The following KLHL22 variants were observed in gnomAD, a reference collection of about 807,000 sequenced individuals.
The protein encoded by KLHL22 is kelch like family member 22.
In KLHL22, 18 loss-of-function variants were observed where a neutral mutation model predicts 60.7. That is an observed-to-expected ratio of 0.30 (90% confidence interval 0.20 to 0.44). The LOEUF (loss-of-function observed/expected upper bound fraction) is 0.44, where lower values mean the gene tolerates loss of function less well. Among genes scored for constraint, KLHL22 ranks in the 20% least tolerant of loss-of-function variants. The probability of loss-of-function intolerance (pLI) is 1.00; values close to 1 mark genes in which losing one functional copy is unlikely to be tolerated. For synonymous variants in KLHL22, 355 were observed against 354.5 expected (o/e 1.00, Z -0.01); for missense variants, 596 against 852.3 (o/e 0.70, Z 3.74).
chr22:20,474,086 G>A (rs1239180386), intron 2 of KLHL22, among the ~76,000 whole-genome samples: 5 of 151,966 alleles, frequency 3.3e-5, no homozygotes, highest in Admixed American at 1.3e-4. Context: ...TGCAACCTCC[G>A]CCTCCTGAGT....
chr22:20,476,730 C>G (rs960847152), intron 2 of KLHL22, among the ~76,000 whole-genome samples: 5 of 113,888 alleles, frequency 4.4e-5, no homozygotes, highest in African/African-American at 1.8e-4. Context: ...TTTTTTGTGA[C>G]AGAGTCTCGC....
chr22:20,471,339 A>T lies in KLHL22; in HGVS notation c.393+11T>A. 6.2e-7 allele frequency: 1 copy of T among 1,612,460 alleles called. No individual in the cohort carries two copies. Among genetic ancestry groups the T allele is most frequent in the Non-Finnish European group, 8.5e-7 (1 of 1,178,980 alleles). On this transcript the variant is annotated intron_variant, in intron 3 of 6. Coordinates refer to ENST00000328879, the MANE Select transcript of KLHL22 (RefSeq NM_032775.4). ...GTGTGGGTCTGCCTTGCTAGATGAG[A>T]CATGCCTCACCTGAAGCTGGCAGGC...
chr22:20,482,434 G>C (rs905410072), intron 2 of KLHL22, among the ~76,000 whole-genome samples: 12 of 152,022 alleles, frequency 7.9e-5, no homozygotes, highest in African/African-American at 2.9e-4. Flanking sequence ...ACCCAGGCTG[G>C]AGTGCAGTGG....
At chr22:20,459,163 A>G (rs1206407508) in intron 4 of KLHL22, among the ~76,000 whole-genome samples, 1 of 152,208 alleles carries the variant, frequency 6.6e-6, no homozygotes, top group Non-Finnish European at 1.5e-5. Flanking sequence ...CTTTCAGACA[A>G]GTGTTTTTAT....
At chr22:20,484,072 T>G in intron 2 of KLHL22, 3 of 980,126 alleles carry the variant, frequency 3.1e-6, no homozygotes, top group Non-Finnish European at 4.8e-6. Context: ...GACCAGTAGT[T>G]GGTGGAGAAG....
intron 5 of KLHL22, among the ~76,000 whole-genome samples, chr22:20,457,205 C>G (rs889569476): frequency 2.0e-5 from 3 of 152,052 alleles, no homozygotes; most frequent in Non-Finnish European, 4.4e-5. Context: ...ATCATTTTTC[C>G]ATAATGAACA....
intron 4 of KLHL22, among the ~76,000 whole-genome samples, 189 bp downstream of exon 4, chr22:20,464,669 C>T (rs564108039): frequency 2.0e-5 from 3 of 152,212 alleles, no homozygotes; most frequent in South Asian, 2.1e-4. Context: ...GGAAAGAAGG[C>T]GATCCACATG....
intron 3 of KLHL22, among the ~76,000 whole-genome samples, chr22:20,466,925 G>A (rs1303830465): frequency 6.6e-6 from 1 of 152,234 alleles, no homozygotes; most frequent in Non-Finnish European, 1.5e-5. Flanking sequence ...CTGGAGGGAG[G>A]TGGGAACAAG....
intron 4 of KLHL22, among the ~76,000 whole-genome samples, chr22:20,461,349 CA>C (rs1488666119): frequency 6.6e-6 from 1 of 151,570 alleles, no homozygotes; most frequent in Non-Finnish European, 1.5e-5. Context: ...GTCAGGAGAT[CA>C]AGACCATCCT....
intron 2 of KLHL22, 41 bp downstream of exon 2, chr22:20,488,944 A>T: frequency 6.3e-7 from 1 of 1,586,972 alleles, no homozygotes; most frequent in Non-Finnish European, 8.6e-7. Flanking sequence ...AGCCAGGATT[A>T]CCTTTGTTAT....
At chr22:20,488,331 C>A (rs554408673) in intron 2 of KLHL22, among the ~76,000 whole-genome samples, 124 of 152,330 alleles carry the variant, frequency 8.1e-4, no homozygotes, top group Admixed American at 2.4e-3. Flanking sequence ...TGACACCCAC[C>A]TCCTTGAGTG....
chr22:20,484,850 C>T lies in KLHL22; in HGVS notation c.227+4135G>A, dbSNP rs9623800. On this transcript the variant is annotated intron_variant, in intron 2 of 6. Coordinates refer to ENST00000328879, the MANE Select transcript of KLHL22 (RefSeq NM_032775.4). ...CTCTCAAGCTCAAGCTATCCTCCCT[C>T]CTCAGCCTCCCAAGTAGCTGGGACT... Among the ~76,000 whole-genome samples, 827 of 151,982 alleles carry T rather than the reference C, an allele frequency of 5.4e-3. 8 individuals carry two copies. The highest frequency in any genetic ancestry group is 0.019 in the African/African-American group (772 of 41,464).
In KLHL22 at chr22:20,489,057, A is replaced by G; in HGVS notation, c.155T>C (p.Val52Ala). The change falls in exon 2 of 7, where the codon GTT becomes GCT. Residue 52 changes from valine (V) to alanine (A), a missense_variant. By Grantham distance (64) the Val-to-Ala change is moderately conservative (BLOSUM62 0). Coordinates refer to ENST00000328879, the MANE Select transcript of KLHL22 (RefSeq NM_032775.4). ...GTGTCTGCCCTCCACCACCAGCACA[A>G]CATCGAAGAGGATTCCGCTGTCCCG... ...ALRDSGILFD[V>A]VLVVEGRHIE... The G allele has an allele frequency of 6.2e-7, 1 of 1,614,078 alleles. No homozygotes were observed. The highest frequency in any genetic ancestry group is 1.3e-5 in the African/African-American group (1 of 75,054).
chr22:20,456,812 A>G (rs1033107030), intron 5 of KLHL22, among the ~76,000 whole-genome samples: 1 of 151,558 alleles, frequency 6.6e-6, no homozygotes, highest in African/African-American at 2.4e-5. Flanking sequence ...CCCTGAAGTC[A>G]AAGTCTAAGT....
chr22:20,465,380 T>C lies in KLHL22; in HGVS notation c.590A>G (p.Tyr197Cys), dbSNP rs773067499. Reference sequence around the variant, plus strand: ...CAGGCGATTGCTGCTGAGGAGGGAGTAGACCTTCTCCAATGGAAGCTGGCG... The same window carrying C: ...CAGGCGATTGCTGCTGAGGAGGGAGCAGACCTTCTCCAATGGAAGCTGGCG... The part of the protein sequence containing the change: ...KYRQLPLEKV[Y>C]SLLSSNRLEV... Residue 197 changes from tyrosine (Y) to cysteine (C), a missense_variant, in exon 4 of 7, where the codon TAC becomes TGC. Transcript: ENST00000328879. The surrounding 1 kb of genome is among the most constrained non-coding windows in gnomAD (Gnocchi z 4.9). 1 of 1,613,540 alleles carries C rather than the reference T, an allele frequency of 6.2e-7. No individual in the cohort carries two copies. The highest frequency in any genetic ancestry group is 1.1e-5 in the South Asian group (1 of 91,040).
chr22:20,480,329 G>A (rs1183259044), intron 2 of KLHL22, among the ~76,000 whole-genome samples: 1 of 152,194 alleles, frequency 6.6e-6, no homozygotes, highest in Non-Finnish European at 1.5e-5. Flanking sequence ...AGTGTTATTT[G>A]TGTTTATTAT....
In KLHL22 at chr22:20,465,090, G is replaced by A; in HGVS notation, c.880C>T (p.Arg294Trp). The change falls in exon 4 of 7, where the codon CGG becomes TGG. Residue 294 changes from arginine (R) to tryptophan (W), a missense_variant. Physicochemically the swap from Arg to Trp is moderately radical, Grantham distance 101. Transcript: ENST00000328879. This position sits in a 1 kb window ranked among gnomAD's most constrained non-coding sequence, Gnocchi z 4.9. Reference sequence around the variant, plus strand: ...CCCACAACGCACTGGAAGTCCGACCGCAGCTCCGTTTGCGGGCTCTGCAGG... The same window carrying A: ...CCCACAACGCACTGGAAGTCCGACCACAGCTCCGTTTGCGGGCTCTGCAGG... ...PSLQSPQTEL[R>W]SDFQCVVGFG... 4 of 1,613,690 alleles carry A rather than the reference G, an allele frequency of 2.5e-6. No individual in the cohort carries two copies. Among genetic ancestry groups the A allele is most frequent in the Non-Finnish European group, 2.5e-6 (3 of 1,179,852 alleles).
chr22:20,446,326 C>T, intron 6 of KLHL22, 117 bp downstream of exon 6: 4 of 713,710 alleles, frequency 5.6e-6, no homozygotes, highest in Non-Finnish European at 9.7e-6. Context: ...GAACCTAAAA[C>T]TGCTCTAAAA....
chr22:20,446,762 CA>C, intron 5 of KLHL22, 86 bp from the exon 6 acceptor site: 1 of 973,588 alleles, frequency 1.0e-6, no homozygotes, highest in South Asian at 1.3e-5. Context: ...CACCACCCCA[CA>C]CCTGCCTGAC....
Sources: gnomAD v4.1 joint callset for allele counts (sites outside exome capture counted in the v4.1 genomes callset) on GRCh38, gnomAD v4.1.1 for gene constraint, Gnocchi (gnomAD v3.1) non-coding constraint, MANE v1.5 for transcripts, NCBI Gene and HGNC (gene_info 2026-07-23, HGNC 2026-07-21) for gene names.